Variants in EXPH5 observed in about 807,000 individuals in gnomAD.
EXPH5 encodes exophilin 5.
A neutral mutation model predicts 41.1 loss-of-function variants in EXPH5; 42 were observed. The observed-to-expected ratio is 1.02, with a 90% CI of 0.80 to 1.32. EXPH5 has a LOEUF of 1.32. Ranked by LOEUF, EXPH5 falls within the 40% of genes most tolerant of loss-of-function variation. EXPH5 has a pLI of 0.00. For missense variants in EXPH5, 2,298 were observed against 2,314.5 expected (o/e 0.99, Z 0.15); for synonymous variants, 798 against 833.5 (o/e 0.96, Z 0.73).
At position 108,511,883 on chromosome 11, in the gene EXPH5, T is replaced by C. The variant is rs1483235585; in HGVS notation, c.3624A>G (p.Glu1208=). 6.3e-7 allele frequency: 1 copy of C among 1,588,054 alleles called. No individual in the cohort carries two copies. Reference sequence around the variant, plus strand: ...AGTCTGAGCAAAAAGGTAAAGGGTCTTCATTTGAAAGAGCAAATACACTTC... The same window carrying C: ...AGTCTGAGCAAAAAGGTAAAGGGTCCTCATTTGAAAGAGCAAATACACTTC... ...SRRSVFALSN[E]DPLPFCSDLS... Residue 1208 remains glutamate (E), a synonymous_variant, in exon 6 of 6, where the codon GAA becomes GAG. Coordinates refer to ENST00000265843, the MANE Select transcript of EXPH5 (RefSeq NM_015065.3).
rs181808337 is a variant in EXPH5, at chr11:108,580,168, T to C, written c.119+13250A>G. The stretch of plus-strand genomic sequence containing the variant: ...AACTACTCATCCAAAAGGGAATTAA[T>C]ATCCAGAATACACAATAAATTGAAA... On this transcript the variant is annotated intron_variant, in intron 1 of 5. Coordinates refer to ENST00000265843, the MANE Select transcript of EXPH5 (RefSeq NM_015065.3). Among the ~76,000 whole-genome samples the C allele has an allele frequency of 1.6e-4, 25 of 152,276 alleles. No homozygotes were observed. The East Asian group carries it at 3.5e-3, about 21-fold the overall frequency.
rs1488958502 is a variant in EXPH5, at chr11:108,511,243, T to C, written c.4264A>G (p.Ser1422Gly). The change falls in exon 6 of 6, where the codon AGT becomes GGT. Residue 1422 changes from serine (S) to glycine (G), a missense_variant. Coordinates refer to ENST00000265843, the MANE Select transcript of EXPH5 (RefSeq NM_015065.3). ...AGAGCTGGAAGACTAGAGGGACCAC[T>C]GTTACTTGAATTAATGGATTGTTGA... ...NCQQSINSSNSGPSSLPALSE... is the reference protein window; with the variant it reads ...NCQQSINSSNGGPSSLPALSE... 1 of 1,607,392 alleles carries C rather than the reference T, an allele frequency of 6.2e-7. No homozygotes were observed. The highest frequency in any genetic ancestry group is 8.5e-7 in the Non-Finnish European group (1 of 1,178,568).
intron 1 of EXPH5, among the ~76,000 whole-genome samples, chr11:108,553,511 A>C (rs1405979866): frequency 6.6e-6 from 1 of 152,092 alleles, no homozygotes; most frequent in Non-Finnish European, 1.5e-5. Context: ...TCCCTTTTTG[A>C]ATGTATACCT....
At chr11:108,559,780 G>C (rs1226335236) in intron 1 of EXPH5, among the ~76,000 whole-genome samples, 1 of 152,184 alleles carries the variant, frequency 6.6e-6, no homozygotes, top group African/African-American at 2.4e-5. Flanking sequence ...ATTTCATAAA[G>C]TTAAAGGAAA....
At chr11:108,606,600 G>A in the EXPH5 span, among the ~76,000 whole-genome samples, 2 of 152,094 alleles carry the variant, frequency 1.3e-5, no homozygotes, top group Non-Finnish European at 2.9e-5. Context: ...TTTATAATAA[G>A]CCCTTTAAAG....
At chr11:108,602,042 C>A in the EXPH5 span, among the ~76,000 whole-genome samples, 1 of 152,188 alleles carries the variant, frequency 6.6e-6, no homozygotes, top group African/African-American at 2.4e-5. Context: ...AGCCACTGTG[C>A]CTGCCCTGAA....
chr11:108,535,556 G>A (rs191965087), intron 3 of EXPH5, among the ~76,000 whole-genome samples: 28 of 152,312 alleles, frequency 1.8e-4, no homozygotes, highest in Admixed American at 4.6e-4. Flanking sequence ...TTTGGAAGGA[G>A]GAGGGAGGCA....
At chr11:108,587,813 C>T (rs549799211) in intron 1 of EXPH5, among the ~76,000 whole-genome samples, 1 of 152,224 alleles carries the variant, frequency 6.6e-6, no homozygotes, top group South Asian at 2.1e-4. Flanking sequence ...AGTACAATGG[C>T]GCGGTCTCGG....
At chr11:108,598,173 G>T (rs2094141358), upstream of EXPH5, among the ~76,000 whole-genome samples, 1 of 152,176 alleles carries the variant, frequency 6.6e-6, no homozygotes, top group Non-Finnish European at 1.5e-5. Flanking sequence ...AAACCTGAAG[G>T]ATAAGAAGCC....
chr11:108,509,414 G>T lies in EXPH5; in HGVS notation c.*123C>A. On this transcript the variant is annotated 3_prime_UTR_variant, in exon 6 of 6. Transcript: ENST00000265843. ...TGTGGAGGAAAAAAAAGGAGATGTG[G>T]GACATTTCAGAGCAGACACTGCCCA... 1.2e-6 allele frequency: 1 copy of T among 862,106 alleles called. No individual in the cohort carries two copies. Among genetic ancestry groups the T allele is most frequent in the Non-Finnish European group, 1.7e-6 (1 of 579,318 alleles). The allele number at this position is 862,106 out of a possible 1,614,324, so 53.4% of individuals were successfully genotyped here.
intron 1 of EXPH5, among the ~76,000 whole-genome samples, chr11:108,557,355 G>A (rs1484171693): frequency 6.6e-6 from 1 of 152,144 alleles, no homozygotes; most frequent in Non-Finnish European, 1.5e-5. Context: ...GTAAATAAGT[G>A]AAGAAATTTC....
At chr11:108,534,483 T>C (rs562737719) in intron 3 of EXPH5, among the ~76,000 whole-genome samples, 38 of 152,330 alleles carry the variant, frequency 2.5e-4, no homozygotes, top group Non-Finnish European at 4.6e-4. Flanking sequence ...TACTGGGTCA[T>C]TGAACCTCAG....
chr11:108,598,243 A>G (rs1272676345), upstream of EXPH5, among the ~76,000 whole-genome samples: 1 of 152,236 alleles, frequency 6.6e-6, no homozygotes, highest in Non-Finnish European at 1.5e-5. Context: ...AAATGTGGGT[A>G]GAAAGTAGAT....
intron 1 of EXPH5, among the ~76,000 whole-genome samples, chr11:108,544,510 C>T (rs2093928613): frequency 6.6e-6 from 1 of 152,206 alleles, no homozygotes; most frequent in Non-Finnish European, 1.5e-5. Context: ...TTAATCGTAC[C>T]TCAAGCTTTC....
chr11:108,559,188 AT>A (rs1163718289), intron 1 of EXPH5, among the ~76,000 whole-genome samples: 1 of 152,180 alleles, frequency 6.6e-6, no homozygotes, highest in Non-Finnish European at 1.5e-5. Flanking sequence ...TCAAGTGTCG[AT>A]TTCCTGAACA....
intron 1 of EXPH5, among the ~76,000 whole-genome samples, chr11:108,568,555 A>G (rs187898240): frequency 8.5e-4 from 130 of 152,284 alleles, no homozygotes; most frequent in Non-Finnish European, 1.9e-4. Context: ...TTTGACCTCA[A>G]TCGCTGAGAA....
At chr11:108,526,472 C>T (rs1200018334) in intron 4 of EXPH5, among the ~76,000 whole-genome samples, 1 of 152,180 alleles carries the variant, frequency 6.6e-6, no homozygotes, top group Non-Finnish European at 1.5e-5. Context: ...TCCTTTTCTG[C>T]CTCAGACCCC....
At chr11:108,549,103 G>T (rs1397561390) in intron 1 of EXPH5, among the ~76,000 whole-genome samples, 1 of 152,214 alleles carries the variant, frequency 6.6e-6, no homozygotes, top group Non-Finnish European at 1.5e-5. Context: ...GGTTGAGAAT[G>T]ACATACATAC....
At chr11:108,585,743 T>C (rs1351799736) in intron 1 of EXPH5, among the ~76,000 whole-genome samples, 1 of 152,144 alleles carries the variant, frequency 6.6e-6, no homozygotes, top group East Asian at 1.9e-4. Flanking sequence ...ATCCAGCAAT[T>C]CCACTACTAA....
Sources: gnomAD v4.1 joint callset for allele counts (sites outside exome capture counted in the v4.1 genomes callset) on GRCh38, gnomAD v4.1.1 for gene constraint, MANE v1.5 for transcripts, NCBI Gene and HGNC (gene_info 2026-07-23, HGNC 2026-07-21) for gene names.